Variants in IFIH1 observed in about 807,000 individuals in gnomAD.
IFIH1 encodes the protein interferon induced with helicase C domain 1.
In IFIH1, 125 loss-of-function variants were observed where a neutral mutation model predicts 107.4. The ratio of observed to expected loss-of-function variants is 1.16; its 90% CI spans 1.01 to 1.35. The LOEUF (loss-of-function observed/expected upper bound fraction) is 1.35, where lower values mean the gene tolerates loss of function less well. IFIH1 is among the 40% of genes most tolerant of loss of function. IFIH1 has a pLI of 0.00. For missense variants in IFIH1, 1,333 were observed against 1,213.7 expected (o/e 1.10, Z -1.46); for synonymous variants, 458 against 413.2 (o/e 1.11, Z -1.31).
chr2:162,275,417 G>A (rs1156491213), intron 11 of IFIH1, among the ~76,000 whole-genome samples: 1 of 152,150 alleles, frequency 6.6e-6, no homozygotes, highest in Non-Finnish European at 1.5e-5. Flanking sequence ...CTGAACTTGA[G>A]TTTTTCCTGC....
At chr2:162,279,743 C>T (rs1037641410) in intron 8 of IFIH1, among the ~76,000 whole-genome samples, 1 of 152,006 alleles carries the variant, frequency 6.6e-6, no homozygotes, top group Non-Finnish European at 1.5e-5. Context: ...TGGCCCCTCA[C>T]TGTCCCTTTT....
At chr2:162,295,338 T>C (rs1683067801) in intron 3 of IFIH1, among the ~76,000 whole-genome samples, 1 of 152,038 alleles carries the variant, frequency 6.6e-6, no homozygotes, top group South Asian at 2.1e-4. Flanking sequence ...ACTTAGTTTA[T>C]AGTAATTGTG....
At position 162,304,992 on chromosome 2, in the gene IFIH1, G is replaced by A. The variant is rs552639092; in HGVS notation, c.769+1717C>T. 5.3e-5 allele frequency among the ~76,000 whole-genome samples: 8 copies of A among 152,254 alleles called. No individual in the cohort carries two copies. The East Asian group carries it at 1.5e-3, about 29-fold the overall frequency. ...AAACTGTGACATAAGTACAAAGAGA[G>A]CTATCGAGGCATTATTTAAATGTTC... On this transcript the variant is annotated intron_variant, in intron 3 of 15. Transcript: ENST00000649979.
At chr2:162,300,935 C>A (rs553712929) in intron 3 of IFIH1, among the ~76,000 whole-genome samples, 2 of 151,986 alleles carry the variant, frequency 1.3e-5, no homozygotes, top group African/African-American at 2.4e-5. Flanking sequence ...TTAGTATAGA[C>A]CAAATCTAAG....
Position 162,291,576 on chromosome 2 carries a change from C to G in IFIH1, c.874+1988G>C, listed in dbSNP as rs1020634697. On this transcript the variant is annotated intron_variant, in intron 4 of 15. Transcript: ENST00000649979. ...GGTAATCATGTCTACTATGGCATAA[C>G]ACTTCCACAAAGGAATATAATATGA... 2.0e-5 allele frequency among the ~76,000 whole-genome samples: 3 copies of G among 151,604 alleles called. No individual in the cohort carries two copies. In the East Asian group the frequency reaches 5.8e-4, roughly 29 times the overall value.
At chr2:162,303,039 C>T (rs1427842229) in intron 3 of IFIH1, among the ~76,000 whole-genome samples, 2 of 152,180 alleles carry the variant, frequency 1.3e-5, no homozygotes, top group Non-Finnish European at 2.9e-5. Flanking sequence ...ATGGCACTTA[C>T]TAAAAGTGTA....
intron 13 of IFIH1, among the ~76,000 whole-genome samples, chr2:162,270,281 C>T (rs7558987): frequency 0.035 from 5,331 of 152,216 alleles, 460 homozygotes; most frequent in Admixed American, 0.21. Flanking sequence ...TCAACTTGCT[C>T]CTAGAAGTCT....
intron 2 of IFIH1, among the ~76,000 whole-genome samples, chr2:162,309,589 T>C (rs1217824019): frequency 6.6e-6 from 1 of 152,224 alleles, no homozygotes; most frequent in Non-Finnish European, 1.5e-5. Flanking sequence ...TATTTGCTGG[T>C]ATAATATATC....
At chr2:162,287,589 C>T (rs1682919442) in intron 5 of IFIH1, among the ~76,000 whole-genome samples, 1 of 151,806 alleles carries the variant, frequency 6.6e-6, no homozygotes, top group Non-Finnish European at 1.5e-5. Context: ...ACTTCTTGAG[C>T]ATTTTAAAAT....
rs553669430 is a variant in IFIH1 at position 162,278,205 on chromosome 2, C to CT, written c.1764dup (p.Ala589SerfsTer21). The CT allele has an allele frequency of 5.3e-4, 843 of 1,599,554 alleles. 3 individuals are homozygous for CT. The African/African-American group carries it at 5.8e-3, about 11-fold the overall frequency. On this transcript the variant is annotated frameshift_variant and splice_region_variant, in exon 9 of 16. Coordinates refer to ENST00000649979, the MANE Select transcript of IFIH1 (RefSeq NM_022168.4). LOFTEE classifies it high-confidence loss of function. ...AGTGTTAGGTCCAAACCTAAATTAC[C>CT]TTTTTTTTCCATTTGAATGGCCCAT...
chr2:162,283,218 G>T (rs550815099), intron 5 of IFIH1, among the ~76,000 whole-genome samples: 1 of 151,946 alleles, frequency 6.6e-6, no homozygotes, highest in East Asian at 2.0e-4. Context: ...GAAGAATCAG[G>T]GAACCACAAG....
chr2:162,299,819 T>C (rs1188812935), intron 3 of IFIH1, among the ~76,000 whole-genome samples: 1 of 152,204 alleles, frequency 6.6e-6, no homozygotes, highest in African/African-American at 2.4e-5. Flanking sequence ...TCTTAAATCC[T>C]ACCGCCCTCC....
intron 3 of IFIH1, among the ~76,000 whole-genome samples, chr2:162,297,488 A>G (rs1209438827): frequency 1.3e-5 from 2 of 152,178 alleles, no homozygotes; most frequent in Admixed American, 1.3e-4. Context: ...TAAAAAATAT[A>G]TAGAGAGAGA....
At chr2:162,293,891 C>T (rs1178470296) in intron 3 of IFIH1, among the ~76,000 whole-genome samples, 2 of 151,884 alleles carry the variant, frequency 1.3e-5, no homozygotes, top group Admixed American at 1.3e-4. Context: ...ATATTACCTA[C>T]TTAAAGTACT....
At chr2:162,278,752 T>C (rs538194250) in intron 8 of IFIH1, among the ~76,000 whole-genome samples, 4 of 152,236 alleles carry the variant, frequency 2.6e-5, no homozygotes, top group Non-Finnish European at 5.9e-5. Context: ...AAGTAGAGTC[T>C]GAATAAAGCC....
intron 1 of IFIH1, 29 bp from the exon 2 acceptor site, chr2:162,310,962 A>G (rs759137984): frequency 1.3e-6 from 2 of 1,558,806 alleles, no homozygotes; most frequent in Non-Finnish European, 1.8e-6. Context: ...AGAATTAAGT[A>G]AGATCAAACA....
intron 5 of IFIH1, among the ~76,000 whole-genome samples, chr2:162,283,808 G>A (rs1682850325): frequency 6.6e-6 from 1 of 151,894 alleles, no homozygotes; most frequent in South Asian, 2.1e-4. Flanking sequence ...GCTTCCAAAA[G>A]TAGGTGTCTG....
At chr2:162,314,857 T>A (rs1038645708) in intron 1 of IFIH1, among the ~76,000 whole-genome samples, 2 of 151,056 alleles carry the variant, frequency 1.3e-5, no homozygotes, top group African/African-American at 2.5e-5. Context: ...CAAAACAGTC[T>A]CTGTGTTTTT....
rs763492910 is a variant in IFIH1, at chr2:162,268,197, G to A, written c.2697C>T (p.Asn899=). The change falls in exon 14 of 16, where the codon AAC becomes AAT. Residue 899 remains asparagine (N), a synonymous_variant. Coordinates refer to ENST00000649979, the MANE Select transcript of IFIH1 (RefSeq NM_022168.4). ...TGCAAAGGAAAGTTATTAGTGATGGGTTATTCTTGTAATGCTTGGCAATAT... is the reference window on the plus strand; with the variant it reads ...TGCAAAGGAAAGTTATTAGTGATGGATTATTCTTGTAATGCTTGGCAATAT... ...KRNIAKHYKN[N]PSLITFLCKN... The A allele has an allele frequency of 1.2e-6, 2 of 1,612,308 alleles. No homozygotes were observed. The highest frequency in any genetic ancestry group is 1.7e-6 in the Non-Finnish European group (2 of 1,178,522).
Sources: allele counts gnomAD v4.1 joint callset (sites outside exome capture counted in the v4.1 genomes callset), GRCh38; gene constraint gnomAD v4.1.1; transcripts MANE v1.5; gene names NCBI Gene and HGNC (gene_info 2026-07-23, HGNC 2026-07-21).